Variants in SPOCK1 observed in about 807,000 individuals in gnomAD.
The protein encoded by SPOCK1 is testican-1.
In SPOCK1, 23 loss-of-function variants were observed where a neutral mutation model predicts 55.3. The observed-to-expected ratio is 0.42, with a 90% CI of 0.30 to 0.59. The LOEUF is 0.59. Ranked by LOEUF, SPOCK1 falls within the 20% of genes least tolerant of loss-of-function variation. The pLI, the probability that SPOCK1 is intolerant of heterozygous loss-of-function variation, is 0.22. For synonymous variants in SPOCK1, 226 were observed against 221.0 expected (o/e 1.02, Z -0.20); for missense variants, 499 against 552.5 (o/e 0.90, Z 0.97).
intron 2 of SPOCK1, among the ~76,000 whole-genome samples, chr5:137,370,202 G>A (rs1751169183): frequency 6.6e-6 from 1 of 152,138 alleles, no homozygotes; most frequent in Non-Finnish European, 1.5e-5. Context: ...TGCCGAGCCA[G>A]AGCATGACTC....
intron 6 of SPOCK1, among the ~76,000 whole-genome samples, chr5:137,052,609 ATAAAT>A (rs1752226797): frequency 6.6e-6 from 1 of 152,258 alleles, no homozygotes; most frequent in Admixed American, 6.5e-5. Flanking sequence ...ATTTATAACT[ATAAAT>A]TAGAGAAGCT....
intron 6 of SPOCK1, among the ~76,000 whole-genome samples, chr5:137,052,065 C>CT (rs1752217264): frequency 6.6e-6 from 1 of 152,102 alleles, no homozygotes; most frequent in African/African-American, 2.4e-5. Flanking sequence ...GAAAGGGGTG[C>CT]CCTTCTTTGC....
At chr5:137,042,747 G>A (rs1752023876) in intron 6 of SPOCK1, among the ~76,000 whole-genome samples, 1 of 152,092 alleles carries the variant, frequency 6.6e-6, no homozygotes, top group South Asian at 2.1e-4. Context: ...TAAGCAAGGG[G>A]AGGAAGCTAT....
chr5:137,134,210 T>C lies in SPOCK1; in HGVS notation c.347+6370A>G, dbSNP rs138962419. 8.5e-3 allele frequency among the ~76,000 whole-genome samples: 1,289 copies of C among 152,338 alleles called. 10 individuals are homozygous for C. The highest frequency in any genetic ancestry group is 0.013 in the Non-Finnish European group (902 of 68,030). On this transcript the variant is annotated intron_variant, in intron 4 of 10. Coordinates refer to ENST00000394945, the MANE Select transcript of SPOCK1 (RefSeq NM_004598.4). ...ATTATAATACTGACCTAGCAGACTG[T>C]TGTGAGAAGTCAGTAAGATTTCTCC...
chr5:137,003,411 A>G (rs1751184657), intron 6 of SPOCK1, among the ~76,000 whole-genome samples: 1 of 152,154 alleles, frequency 6.6e-6, no homozygotes, highest in African/African-American at 2.4e-5. Flanking sequence ...AAATAAATAA[A>G]TCATAAGTTG....
At chr5:137,245,618 G>A (rs1056756545) in intron 3 of SPOCK1, among the ~76,000 whole-genome samples, 3 of 152,112 alleles carry the variant, frequency 2.0e-5, no homozygotes, top group Non-Finnish European at 2.9e-5. Flanking sequence ...GAGGGCTTCC[G>A]CTTTGCAAAG....
At chr5:137,268,569 TA>T (rs1267425109) in intron 2 of SPOCK1, among the ~76,000 whole-genome samples, 2 of 152,234 alleles carry the variant, frequency 1.3e-5, no homozygotes, top group Non-Finnish European at 2.9e-5. Flanking sequence ...GATATTAAGT[TA>T]AAAGTTGGAT....
intron 2 of SPOCK1, among the ~76,000 whole-genome samples, chr5:137,314,511 C>A (rs148395837): frequency 7.9e-5 from 12 of 152,258 alleles, no homozygotes; most frequent in Non-Finnish European, 1.6e-4. Context: ...CTCACCTGTA[C>A]AACAGAGATA....
intron 3 of SPOCK1, among the ~76,000 whole-genome samples, chr5:137,158,233 C>G (rs374766425): frequency 6.6e-6 from 1 of 152,134 alleles, no homozygotes; most frequent in Non-Finnish European, 1.5e-5. Context: ...GAAGGAGGAG[C>G]CCCAGGGCAG....
chr5:137,347,138 C>T (rs981196485), intron 2 of SPOCK1, among the ~76,000 whole-genome samples: 8 of 152,182 alleles, frequency 5.3e-5, no homozygotes, highest in African/African-American at 1.9e-4. Flanking sequence ...TCACCCACAT[C>T]GTAGCTGAAG....
chr5:137,111,874 T>G (rs1753481951), intron 5 of SPOCK1, among the ~76,000 whole-genome samples: 1 of 152,160 alleles, frequency 6.6e-6, no homozygotes, highest in Admixed American at 6.5e-5. Flanking sequence ...TTCTTGTTGT[T>G]GGTTTGAGTT....
intron 2 of SPOCK1, among the ~76,000 whole-genome samples, chr5:137,278,478 G>T (rs1561491604): frequency 6.6e-6 from 1 of 152,172 alleles, no homozygotes; most frequent in Non-Finnish European, 1.5e-5. Context: ...AGGCTTCCAT[G>T]GAGAAGAGTG....
At chr5:137,285,221 C>T (rs1241752455) in intron 2 of SPOCK1, among the ~76,000 whole-genome samples, 2 of 152,202 alleles carry the variant, frequency 1.3e-5, no homozygotes, top group Admixed American at 1.3e-4. Context: ...TGTCTTCCTG[C>T]TGGTCCTTGC....
intron 2 of SPOCK1, among the ~76,000 whole-genome samples, chr5:137,274,444 A>G (rs1239881893): frequency 1.3e-5 from 2 of 152,188 alleles, no homozygotes; most frequent in African/African-American, 2.4e-5. Context: ...TTATCCATAA[A>G]ACAAGACCAC....
intron 2 of SPOCK1, among the ~76,000 whole-genome samples, chr5:137,422,921 T>C (rs1228001483): frequency 1.3e-5 from 2 of 152,194 alleles, no homozygotes; most frequent in African/African-American, 4.8e-5. Flanking sequence ...TGGTTTTATC[T>C]ACCTTTGGTC....
chr5:137,260,034 A>G (rs1756717075), intron 3 of SPOCK1, among the ~76,000 whole-genome samples: 1 of 152,236 alleles, frequency 6.6e-6, no homozygotes, highest in Non-Finnish European at 1.5e-5. Context: ...ATATATGGAA[A>G]ACTATTCTGC....
chr5:137,402,199 T>C (rs1004033312), intron 2 of SPOCK1, among the ~76,000 whole-genome samples: 3 of 152,160 alleles, frequency 2.0e-5, no homozygotes, highest in African/African-American at 7.2e-5. Flanking sequence ...TCAGTTCCCC[T>C]GAGTCAGAGG....
chr5:137,489,633 T>C (rs1352025711), intron 2 of SPOCK1, among the ~76,000 whole-genome samples: 1 of 152,214 alleles, frequency 6.6e-6, no homozygotes, highest in Non-Finnish European at 1.5e-5. Flanking sequence ...ACTTGGGCCA[T>C]CTGTGTGCCT....
chr5:137,260,651 GA>G (rs1384914292), intron 3 of SPOCK1, among the ~76,000 whole-genome samples: 6 of 152,194 alleles, frequency 3.9e-5, no homozygotes, highest in African/African-American at 1.4e-4. Context: ...GGCAAAGGCA[GA>G]CAAAGACAAA....
Sources: gnomAD v4.1 joint callset for allele counts (sites outside exome capture counted in the v4.1 genomes callset) on GRCh38, gnomAD v4.1.1 for gene constraint, MANE v1.5 for transcripts, NCBI Gene and HGNC (gene_info 2026-07-23, HGNC 2026-07-21) for gene names.